The following SYT14 variants were observed in gnomAD, a reference collection of about 807,000 sequenced individuals.
SYT14 encodes the protein synaptotagmin 14.
SYT14 carries 32 observed loss-of-function variants against 74.2 expected under a neutral mutation model. The ratio of observed to expected loss-of-function variants is 0.43; its 90% confidence interval spans 0.33 to 0.58. The LOEUF is 0.58. Among genes scored for constraint, SYT14 ranks in the 20% least tolerant of loss-of-function variants. The pLI, the probability that SYT14 is intolerant of heterozygous loss-of-function variation, is 0.05. For missense variants in SYT14, 791 were observed against 981.8 expected, an observed-to-expected ratio of 0.81 and a Z score of 2.60; for synonymous variants, 298 against 337.7, an observed-to-expected ratio of 0.88 and a Z score of 1.29.
chr1:210,121,740 G>A (rs2082470224), intron 7 of SYT14, among the ~76,000 whole-genome samples: 1 of 150,820 alleles, frequency 6.6e-6, no homozygotes, highest in South Asian at 2.1e-4. Context: ...CTTGCAGTGA[G>A]CCAAGATCGC....
At chr1:210,127,847 G>A (rs969402677) in intron 7 of SYT14, among the ~76,000 whole-genome samples, 1 of 152,022 alleles carries the variant, frequency 6.6e-6, no homozygotes, top group African/African-American at 2.4e-5. Flanking sequence ...CCAACATGGT[G>A]AAACCTCGTC....
At chr1:210,149,428 G>A (rs765728733) in intron 7 of SYT14, among the ~76,000 whole-genome samples, 11 of 151,890 alleles carry the variant, frequency 7.2e-5, no homozygotes, top group Non-Finnish European at 1.6e-4. Context: ...CAAGTGATCT[G>A]CCTGCCTTGG....
At chr1:209,992,177 G>C (rs2079701841) in intron 2 of SYT14, among the ~76,000 whole-genome samples, 1 of 151,948 alleles carries the variant, frequency 6.6e-6, no homozygotes, top group African/African-American at 2.4e-5. Context: ...ACAGGGTCTT[G>C]CTCTGTCACC....
At chr1:210,083,157 T>G (rs919575626) in intron 5 of SYT14, among the ~76,000 whole-genome samples, 5 of 151,718 alleles carry the variant, frequency 3.3e-5, no homozygotes, top group African/African-American at 4.9e-5. Context: ...ATTTTTGGGG[T>G]TTTTTTGTAT....
chr1:210,166,921 C>T (rs1389974338), exon 10 of SYT14: 2 of 151,892 alleles, frequency 1.3e-5, no homozygotes, highest in Non-Finnish European at 2.9e-5. Flanking sequence ...TCTTGTGCTT[C>T]CTTAAAAAGG....
exon 4 of SYT14, chr1:210,015,904 G>A (rs61820397): frequency 0.25 from 307,503 of 1,225,522 alleles, 39,896 homozygotes; most frequent in Middle Eastern, 0.33. Context: ...CTGACGAATA[G>A]CAACATTTAA....
intron 2 of SYT14, among the ~76,000 whole-genome samples, chr1:209,958,340 C>T (rs1285190000): frequency 6.6e-6 from 1 of 151,766 alleles, no homozygotes; most frequent in East Asian, 1.9e-4. Context: ...TCTTATTTTT[C>T]TTCTTCAGTA....
chr1:210,014,721 T>C (rs1222984962), intron 3 of SYT14, among the ~76,000 whole-genome samples: 1 of 152,082 alleles, frequency 6.6e-6, no homozygotes, highest in African/African-American at 2.4e-5. Context: ...TTTTATACAG[T>C]TTTAATTTGG....
chr1:210,144,583 A>T (rs943426106), intron 7 of SYT14, among the ~76,000 whole-genome samples: 1 of 152,086 alleles, frequency 6.6e-6, no homozygotes, highest in African/African-American at 2.4e-5. Context: ...TTATATTTTT[A>T]AAATGAAATT....
intron 8 of SYT14, 75 bp from the exon 8 acceptor site, chr1:210,159,346 C>A: frequency 2.9e-6 from 4 of 1,386,754 alleles, no homozygotes; most frequent in South Asian, 1.2e-5. Flanking sequence ...TTAATTCTAA[C>A]CTTTGACCCT....
intron 2 of SYT14, among the ~76,000 whole-genome samples, chr1:209,979,003 C>T (rs758223814): frequency 1.3e-5 from 2 of 152,212 alleles, no homozygotes; most frequent in Non-Finnish European, 2.9e-5. Flanking sequence ...ACCCTCCGAG[C>T]CAGGCGCGGG....
chr1:209,961,575 A>C (rs556876754), intron 2 of SYT14, among the ~76,000 whole-genome samples: 1 of 152,234 alleles, frequency 6.6e-6, no homozygotes, highest in South Asian at 2.1e-4. Context: ...TATCTGTACT[A>C]ATCTCACAAG....
intron 6 of SYT14, among the ~76,000 whole-genome samples, chr1:210,097,731 A>T (rs918787097): frequency 7.9e-5 from 12 of 152,206 alleles, no homozygotes; most frequent in Admixed American, 2.0e-4. Flanking sequence ...TAAACCGTAA[A>T]TTTTTTAACA....
intron 2 of SYT14, among the ~76,000 whole-genome samples, chr1:209,955,735 C>T (rs891393345): frequency 7.9e-5 from 12 of 152,226 alleles, no homozygotes; most frequent in Admixed American, 2.0e-4. Context: ...AGTATCAACT[C>T]GGAGTCCAAA....
chr1:210,163,824 C>T (rs1230444018), exon 10 of SYT14: 1 of 453,776 alleles, frequency 2.2e-6, no homozygotes. Flanking sequence ...CTTGAATTTG[C>T]ATGAAAGCTT....
In SYT14 at chr1:209,938,282, G is replaced by A. The variant is rs1267294785; in HGVS notation, c.-534+5G>A. 5.8e-6 allele frequency: 9 copies of A among 1,560,076 alleles called. No individual in the cohort carries two copies. Among genetic ancestry groups the A allele is most frequent in the Non-Finnish European group, 7.8e-6 (9 of 1,149,892 alleles). On this transcript the variant is annotated splice_donor_5th_base_variant and intron_variant, in intron 1 of 9. Coordinates refer to ENST00000637265, the Ensembl canonical transcript of SYT14. ...AGCGCATCATGGCGATTGAAGGTAA[G>A]TGGAGGCTGACAGCGGGGAGCGAGG...
Position 210,092,969 on chromosome 1 carries a change from C to T in SYT14, c.1313-1353C>T, listed in dbSNP as rs1459790234. 2.6e-5 allele frequency among the ~76,000 whole-genome samples: 4 copies of T among 152,148 alleles called. No individual in the cohort carries two copies. The East Asian group carries it at 5.8e-4, about 22-fold the overall frequency. ...GTACTTAGGTTATATGTAAATACTACACCATTTTATAACAGGTACTTGAGC... is the reference window on the plus strand; with the variant it reads ...GTACTTAGGTTATATGTAAATACTATACCATTTTATAACAGGTACTTGAGC... On this transcript the variant is annotated intron_variant, in intron 5 of 9. Coordinates refer to ENST00000637265, the Ensembl canonical transcript of SYT14.
chr1:210,016,364 C>T, exon 4 of SYT14: 1 of 1,232,080 alleles, frequency 8.1e-7, no homozygotes, highest in South Asian at 4.1e-5. Flanking sequence ...AGTATTTAAA[C>T]ATGTTAATGA....
chr1:210,070,910 A>ATTTT (rs200981834), intron 5 of SYT14, among the ~76,000 whole-genome samples: 4 of 116,286 alleles, frequency 3.4e-5, no homozygotes, highest in Non-Finnish European at 5.2e-5. Flanking sequence ...GTTGGGTATA[A>ATTTT]TTTTTTTTTT....
Sources: gnomAD v4.1 joint callset for allele counts (sites outside exome capture counted in the v4.1 genomes callset) on GRCh38, gnomAD v4.1.1 for gene constraint, MANE v1.5 for transcripts, NCBI Gene and HGNC (gene_info 2026-07-23, HGNC 2026-07-21) for gene names.